The following PACC1 variants were observed in gnomAD, a reference collection of about 807,000 sequenced individuals.
The protein encoded by PACC1 is proton-activated chloride channel.
Under a neutral mutation model 39.7 loss-of-function variants are expected in PACC1, and 34 were observed. The ratio of observed to expected loss-of-function variants is 0.86; its 90% CI spans 0.65 to 1.14. The LOEUF (loss-of-function observed/expected upper bound fraction) is 1.14, where lower values mean the gene tolerates loss of function less well. PACC1 is among the 50% of genes most tolerant of loss of function. The pLI is 0.00. For synonymous variants in PACC1, 127 were observed against 160.6 expected, an observed-to-expected ratio of 0.79 and a Z score of 1.58; for missense variants, 379 against 436.4, an observed-to-expected ratio of 0.87 and a Z score of 1.17.
chr1:212,398,571 C>G (rs1661602259), intron 2 of PACC1, among the ~76,000 whole-genome samples: 1 of 152,204 alleles, frequency 6.6e-6, no homozygotes. Flanking sequence ...TAAGTGAGAA[C>G]TGGGGAAACC....
chr1:212,365,746 A>G (rs913683734), intron 7 of PACC1, among the ~76,000 whole-genome samples: 1 of 152,196 alleles, frequency 6.6e-6, no homozygotes, highest in African/African-American at 2.4e-5. Flanking sequence ...TTGAGGAGAA[A>G]AATACTGACT....
chr1:212,402,914 A>G (rs1661768622), intron 2 of PACC1, among the ~76,000 whole-genome samples: 1 of 152,154 alleles, frequency 6.6e-6, no homozygotes, highest in Non-Finnish European at 1.5e-5. Context: ...TCGACCTCCC[A>G]AAGTGCTGGA....
At chr1:212,368,142 G>C (rs1254759322) in intron 7 of PACC1, among the ~76,000 whole-genome samples, 1 of 152,176 alleles carries the variant, frequency 6.6e-6, no homozygotes. Context: ...AAGTCTACAA[G>C]ATAGTCACAG....
chr1:212,368,205 T>C (rs1401452351), intron 7 of PACC1, among the ~76,000 whole-genome samples: 1 of 152,174 alleles, frequency 6.6e-6, no homozygotes, highest in South Asian at 2.1e-4. Flanking sequence ...AGTGACTGAC[T>C]ACACGCTTAG....
rs76027393 is a variant in PACC1 at position 212,405,083 on chromosome 1, C to T, written c.133+5342G>A. On this transcript the variant is annotated intron_variant, in intron 2 of 7. Transcript: ENST00000261455. ...GAGCCCCTTCAGGTGTGAGCCACCA[C>T]GCCAGGCCCCTTCATTAATTTTGAA... Among the ~76,000 whole-genome samples, 1,213 of 152,236 alleles carry T rather than the reference C, an allele frequency of 8.0e-3. 17 individuals carry two copies. Among genetic ancestry groups the T allele is most frequent in the African/African-American group, 0.027 (1,117 of 41,540 alleles).
At chr1:212,394,888 AG>A (rs1661455704) in intron 2 of PACC1, among the ~76,000 whole-genome samples, 2 of 152,234 alleles carry the variant, frequency 1.3e-5, no homozygotes, top group Admixed American at 1.3e-4. Flanking sequence ...AGGGATGTGA[AG>A]GACCTCTTCA....
intron 4 of PACC1, among the ~76,000 whole-genome samples, chr1:212,385,055 T>C (rs792448): frequency 6.6e-6 from 1 of 152,104 alleles, no homozygotes; most frequent in African/African-American, 2.4e-5. Context: ...TCCCTGAGCA[T>C]TACTCAGCAA....
At chr1:212,394,313 T>C (rs1276637565) in intron 2 of PACC1, among the ~76,000 whole-genome samples, 2 of 152,158 alleles carry the variant, frequency 1.3e-5, no homozygotes, top group Non-Finnish European at 2.9e-5. Flanking sequence ...AATCTGCATA[T>C]AAACAAAACC....
chr1:212,409,212 T>C (rs1007522856), intron 2 of PACC1, among the ~76,000 whole-genome samples: 1 of 152,108 alleles, frequency 6.6e-6, no homozygotes, highest in Admixed American at 6.5e-5. Context: ...ACTGCTGTAG[T>C]AGAACAGACA....
rs763519256 is a variant in PACC1, at chr1:212,377,610, T to C, written c.735A>G (p.Val245=). 2 of 1,614,086 alleles carry C rather than the reference T, an allele frequency of 1.2e-6. No individual in the cohort carries two copies. Among genetic ancestry groups the C allele is most frequent in the East Asian group, 2.2e-5 (1 of 44,892 alleles). ...CCCGCCCATCCTCCTCCTTGGTCTT[T>C]ACCAGTGACATCTTGACCCAGGTGC... The part of the protein sequence containing the change: ...GFRTWVKMSL[V]KTKEEDGREA... Residue 245 remains valine (V), a synonymous_variant, in exon 6 of 8, where the codon GTA becomes GTG. Coordinates refer to ENST00000261455, the MANE Select transcript of PACC1 (RefSeq NM_018252.3).
At chr1:212,397,501 G>A (rs918739899) in intron 2 of PACC1, among the ~76,000 whole-genome samples, 4 of 152,120 alleles carry the variant, frequency 2.6e-5, no homozygotes, top group African/African-American at 9.7e-5. Flanking sequence ...AAGCACAAAA[G>A]CAGGCTCAGC....
chr1:212,393,100 C>T (rs1661388226), intron 2 of PACC1, among the ~76,000 whole-genome samples: 1 of 152,220 alleles, frequency 6.6e-6, no homozygotes, highest in Non-Finnish European at 1.5e-5. Context: ...CAGACATCTA[C>T]AGAACTCTCC....
At chr1:212,392,579 T>A (rs1428864532) in intron 2 of PACC1, among the ~76,000 whole-genome samples, 1 of 152,118 alleles carries the variant, frequency 6.6e-6, no homozygotes, top group Non-Finnish European at 1.5e-5. Flanking sequence ...AGGATCAAAT[T>A]CACACATAAC....
chr1:212,366,300 C>CTTT (rs35052406), intron 7 of PACC1, among the ~76,000 whole-genome samples: 25 of 107,390 alleles, frequency 2.3e-4, no homozygotes, highest in African/African-American at 8.1e-4. Flanking sequence ...GGTAAGAATA[C>CTTT]TTTTTTTTTT....
chr1:212,384,914 T>C (rs748000908), intron 4 of PACC1, among the ~76,000 whole-genome samples: 57 of 152,250 alleles, frequency 3.7e-4, no homozygotes, highest in Admixed American at 1.7e-3. Context: ...GAAATTCATA[T>C]TTTCAAAAAG....
chr1:212,404,477 T>C (rs1218917315), intron 2 of PACC1, among the ~76,000 whole-genome samples: 1 of 151,668 alleles, frequency 6.6e-6, no homozygotes, highest in Non-Finnish European at 1.5e-5. Context: ...CCCTCCATAA[T>C]CTGACCAAGT....
chr1:212,385,295 G>T lies in PACC1; in HGVS notation c.474C>A (p.Asp158Glu). ...NCTTQRINYT[D>E]PFSNQTVKSA... ...TTACCACAGTCTGATTGGAGAAGGG[G>T]TCCGTGTAGTTGATCCTCTGGGTGG... The change falls in exon 4 of 8, where the codon GAC (aspartate) becomes GAA (glutamate). Residue 158 changes from aspartate (D) to glutamate (E), a missense_variant. Asp to Glu is a conservative substitution (Grantham distance 45). Coordinates refer to ENST00000261455, the MANE Select transcript of PACC1 (RefSeq NM_018252.3). The T allele has an allele frequency of 1.2e-6, 2 of 1,614,094 alleles. No individual in the cohort carries two copies. The highest frequency in any genetic ancestry group is 1.7e-6 in the Non-Finnish European group (2 of 1,180,026).
At chr1:212,385,145 T>C in intron 4 of PACC1, 129 bp downstream of exon 4, 1 of 1,061,450 alleles carries the variant, frequency 9.4e-7, no homozygotes, top group Non-Finnish European at 1.4e-6. Flanking sequence ...GCCGCATGTC[T>C]CCTTGGGGAC....
At chr1:212,366,758 A>C (rs543015027) in intron 7 of PACC1, among the ~76,000 whole-genome samples, 3 of 152,166 alleles carry the variant, frequency 2.0e-5, no homozygotes, top group Admixed American at 2.0e-4. Flanking sequence ...CACACATTAC[A>C]CAACGAGCTG....
Sources: allele counts gnomAD v4.1 joint callset (sites outside exome capture counted in the v4.1 genomes callset), GRCh38; gene constraint gnomAD v4.1.1; transcripts MANE v1.5; gene names NCBI Gene and HGNC (gene_info 2026-07-23, HGNC 2026-07-21).